GRIN2B: variants seen among roughly 807,000 people sequenced by gnomAD.
GRIN2B encodes glutamate receptor ionotropic, NMDA 2B.
Under a neutral mutation model 114.5 loss-of-function variants are expected in GRIN2B, and 5 were observed. That is an observed-to-expected ratio of 0.04 (90% CI 0.02 to 0.09). The LOEUF (loss-of-function observed/expected upper bound fraction) is 0.09. Ranked by LOEUF, GRIN2B falls within the 10% of genes least tolerant of loss-of-function variation. The pLI is 1.00. For synonymous variants in GRIN2B, 787 were observed against 745.1 expected (o/e 1.06, Z -0.92); for missense variants, 1,108 against 1,943.5 (o/e 0.57, Z 8.08).
chr12:13,917,092 T>C (rs1027716422), intron 2 of GRIN2B, among the ~76,000 whole-genome samples: 11 of 152,172 alleles, frequency 7.2e-5, no homozygotes, highest in African/African-American at 2.6e-4. Flanking sequence ...ACTGGCCCCA[T>C]TTTTATTTTC....
At chr12:13,678,383 G>A (rs1311856254) in intron 4 of GRIN2B, among the ~76,000 whole-genome samples, 1 of 152,078 alleles carries the variant, frequency 6.6e-6, no homozygotes, top group African/African-American at 2.4e-5. Flanking sequence ...CGCTATTGGA[G>A]TCAACAAGGG....
At chr12:13,611,043 C>G (rs1949359854) in intron 9 of GRIN2B, among the ~76,000 whole-genome samples, 1 of 152,144 alleles carries the variant, frequency 6.6e-6, no homozygotes. Context: ...ATCCCATGGT[C>G]CCCTTTAGAA....
At chr12:13,590,405 C>T (rs1469162641) in intron 10 of GRIN2B, among the ~76,000 whole-genome samples, 1 of 152,048 alleles carries the variant, frequency 6.6e-6, no homozygotes, top group Non-Finnish European at 1.5e-5. Context: ...CCACTCCCGA[C>T]AGGTGCTGGT....
rs1314511808 is a variant in GRIN2B at position 13,546,224 on chromosome 12, T to C, written c.*16559A>G. 1 of 152,240 alleles carries C rather than the reference T, an allele frequency of 6.6e-6. No homozygotes were observed. Among genetic ancestry groups the C allele is most frequent in the Admixed American group, 6.5e-5 (1 of 15,282 alleles). The allele number at this position is 152,240 out of a possible 1,614,324, so 9.4% of individuals were successfully genotyped here. A position where few individuals can be genotyped will look rare whatever the true frequency, so the allele number is the denominator to read the frequency against. ...AATGTAATCACAATGCACACAAGGCTCTTCCACTCAGAATCTTCTTGACTG... is the reference window on the plus strand; with the variant it reads ...AATGTAATCACAATGCACACAAGGCCCTTCCACTCAGAATCTTCTTGACTG... On this transcript the variant is annotated 3_prime_UTR_variant, in exon 14 of 14. Transcript: ENST00000609686.
intron 2 of GRIN2B, among the ~76,000 whole-genome samples, chr12:13,965,439 A>G (rs1425135003): frequency 6.6e-6 from 1 of 152,090 alleles, no homozygotes; most frequent in East Asian, 1.9e-4. Context: ...ACATTTTAGA[A>G]TCTGTCATGA....
chr12:13,690,180 A>T (rs1245754895), intron 4 of GRIN2B, among the ~76,000 whole-genome samples: 1 of 152,036 alleles, frequency 6.6e-6, no homozygotes, highest in East Asian at 1.9e-4. Context: ...GTAAGTATTC[A>T]ATAATACTTA....
chr12:13,680,917 A>G lies in GRIN2B; in HGVS notation c.1011-5058T>C, dbSNP rs189326644. ...CTGCTTGTTGAGAAAGAGCCTCAGA[A>G]TCCTGATGGGCTCAGAGCCAATACA... On this transcript the variant is annotated intron_variant, in intron 4 of 13. Coordinates refer to ENST00000609686, the MANE Select transcript of GRIN2B (RefSeq NM_000834.5). Among the ~76,000 whole-genome samples the G allele has an allele frequency of 9.9e-5, 15 of 152,254 alleles. 1 individual carries two copies. The East Asian group carries it at 2.9e-3, about 29-fold the overall frequency.
At chr12:13,592,099 A>G (rs74065140) in intron 10 of GRIN2B, among the ~76,000 whole-genome samples, 28,417 of 152,218 alleles carry the variant, frequency 0.19, 4,358 homozygotes, top group African/African-American at 0.42. Context: ...TCAGTGAAGG[A>G]AATGAGCACT....
intron 3 of GRIN2B, among the ~76,000 whole-genome samples, chr12:13,783,783 C>G (rs76824334): frequency 6.6e-6 from 1 of 152,074 alleles, no homozygotes; most frequent in African/African-American, 2.4e-5. Flanking sequence ...CTGCTCCAAG[C>G]AGCAGAACTC....
intron 2 of GRIN2B, among the ~76,000 whole-genome samples, chr12:13,873,627 C>CA (rs1183583839): frequency 6.6e-6 from 1 of 152,150 alleles, no homozygotes; most frequent in East Asian, 1.9e-4. Context: ...GCTCTTTCTT[C>CA]AGAAAGGAGC....
intron 4 of GRIN2B, among the ~76,000 whole-genome samples, chr12:13,733,588 T>C (rs1863125309): frequency 6.6e-6 from 1 of 152,210 alleles, no homozygotes; most frequent in South Asian, 2.1e-4. Context: ...TAAAAGAGGA[T>C]GGCTCCTGGT....
intron 9 of GRIN2B, among the ~76,000 whole-genome samples, chr12:13,611,113 C>T (rs1030425022): frequency 6.6e-6 from 1 of 152,224 alleles, no homozygotes; most frequent in African/African-American, 2.4e-5. Flanking sequence ...GCCCTCACAT[C>T]TCTAGGTCTA....
chr12:13,730,664 C>G (rs1275658656), intron 4 of GRIN2B, among the ~76,000 whole-genome samples: 3 of 152,126 alleles, frequency 2.0e-5, no homozygotes, highest in African/African-American at 7.2e-5. Context: ...CAAATTTTTC[C>G]TACACCTCGT....
chr12:13,581,466 A>G (rs922569973), intron 10 of GRIN2B, among the ~76,000 whole-genome samples: 4 of 150,880 alleles, frequency 2.7e-5, no homozygotes. Flanking sequence ...CTCTTCTACC[A>G]TAATCCCTTG....
intron 10 of GRIN2B, among the ~76,000 whole-genome samples, chr12:13,596,488 GA>G (rs1397441107): frequency 6.6e-6 from 1 of 152,074 alleles, no homozygotes; most frequent in Non-Finnish European, 1.5e-5. Context: ...GATGAGGATG[GA>G]GGGGTGAAGT....
At chr12:13,641,035 G>A (rs908508969) in intron 5 of GRIN2B, among the ~76,000 whole-genome samples, 3 of 151,790 alleles carry the variant, frequency 2.0e-5, no homozygotes, top group Admixed American at 6.6e-5. Context: ...ATAGAACTCT[G>A]AATATAAGCT....
In GRIN2B at chr12:13,781,349, G is replaced by T. The variant is rs185463274; in HGVS notation, c.412-27434C>A. 1.6e-3 allele frequency among the ~76,000 whole-genome samples: 239 copies of T among 152,254 alleles called. 2 individuals carry two copies. Among genetic ancestry groups the T allele is most frequent in the Admixed American group, 0.01 (160 of 15,288 alleles). ...ACATGAGAATGTTTGGCTTACTTTG[G>T]ATATTAGATTATTGTAAATTTGGGA... On this transcript the variant is annotated intron_variant, in intron 3 of 13. Transcript: ENST00000609686.
At chr12:13,624,202 T>C (rs996199030) in intron 5 of GRIN2B, among the ~76,000 whole-genome samples, 1 of 152,242 alleles carries the variant, frequency 6.6e-6, no homozygotes. Flanking sequence ...CTTAAGCCCT[T>C]CGAGGGCAGG....
At chr12:13,880,292 C>G (rs1294066111) in intron 2 of GRIN2B, among the ~76,000 whole-genome samples, 1 of 152,148 alleles carries the variant, frequency 6.6e-6, no homozygotes, top group African/African-American at 2.4e-5. Context: ...AGGCACAAAA[C>G]ATATTGGGGA....
Sources: gnomAD v4.1 joint callset for allele counts (sites outside exome capture counted in the v4.1 genomes callset) on GRCh38, gnomAD v4.1.1 for gene constraint, MANE v1.5 for transcripts, NCBI Gene and HGNC (gene_info 2026-07-23, HGNC 2026-07-21) for gene names.